Variants in EYS observed in about 807,000 individuals in gnomAD.
EYS encodes the protein protein eyes shut homolog.
In EYS, 250 loss-of-function variants were observed where a neutral mutation model predicts 282.1. The observed-to-expected ratio is 0.89, with a 90% CI of 0.80 to 0.98. EYS has a LOEUF of 0.98. EYS is among the 50% of genes least tolerant of loss of function. The pLI is 0.00. For missense variants in EYS, 4,016 were observed against 3,709.0 expected (o/e 1.08, Z -2.15); for synonymous variants, 1,355 against 1,282.9 (o/e 1.06, Z -1.20).
chr6:64,502,596 T>A (rs1225005272), intron 26 of EYS, among the ~76,000 whole-genome samples: 1 of 152,196 alleles, frequency 6.6e-6, no homozygotes, highest in Non-Finnish European at 1.5e-5. Context: ...AAAACAATAT[T>A]TTTCTATTTA....
At chr6:64,777,785 A>G (rs1046831917) in intron 22 of EYS, among the ~76,000 whole-genome samples, 2 of 152,158 alleles carry the variant, frequency 1.3e-5, no homozygotes, top group Non-Finnish European at 2.9e-5. Context: ...GCTAACAACA[A>G]CACACTATTT....
At position 65,077,535 on chromosome 6, in the gene EYS, C is replaced by T. The variant is rs183349975; in HGVS notation, c.2024-19808G>A. On this transcript the variant is annotated intron_variant, in intron 12 of 42. Transcript: ENST00000503581. ...AATGCATTAAGTTAGATATATAAAA[C>T]GAACATTTTCTGAAACGCTCAAACA... 3.2e-3 allele frequency among the ~76,000 whole-genome samples: 483 copies of T among 152,048 alleles called. 2 individuals are homozygous for T. The highest frequency in any genetic ancestry group is 0.01 in the African/African-American group (429 of 41,508).
chr6:64,175,389 G>A (rs1262783990), intron 31 of EYS, among the ~76,000 whole-genome samples: 1 of 152,140 alleles, frequency 6.6e-6, no homozygotes, highest in East Asian at 1.9e-4. Context: ...GAAGATAGTA[G>A]TAAAGAAGGA....
intron 19 of EYS, among the ~76,000 whole-genome samples, chr6:64,885,159 A>G (rs1267165986): frequency 6.6e-6 from 1 of 151,706 alleles, no homozygotes; most frequent in Non-Finnish European, 1.5e-5. Context: ...TGTAAGAAAA[A>G]ATGAACCCTA....
chr6:63,770,609 A>G (rs1325313520), intron 40 of EYS, among the ~76,000 whole-genome samples: 1 of 152,162 alleles, frequency 6.6e-6, no homozygotes, highest in Admixed American at 6.6e-5. Context: ...ACATAGCTGA[A>G]TTATCTTCTC....
chr6:65,535,965 C>T (rs572893682), intron 2 of EYS, among the ~76,000 whole-genome samples: 164 of 151,896 alleles, frequency 1.1e-3, no homozygotes, highest in African/African-American at 3.7e-3. Flanking sequence ...GGAAACAGTG[C>T]TATCAACGGA....
intron 12 of EYS, among the ~76,000 whole-genome samples, chr6:65,179,312 C>G (rs150233047): frequency 1.0e-3 from 158 of 151,544 alleles, no homozygotes; most frequent in African/African-American, 3.7e-3. Context: ...ATTGATAGAC[C>G]TCTAGCAAGA....
intron 31 of EYS, among the ~76,000 whole-genome samples, chr6:64,130,489 G>C (rs1046959892): frequency 6.6e-6 from 1 of 152,058 alleles, no homozygotes. Context: ...GTGGGGTGCA[G>C]GGGGGAGGGA....
At chr6:65,700,131 A>AAAAAAAAC in intron 1 of EYS, among the ~76,000 whole-genome samples, 1 of 150,512 alleles carries the variant, frequency 6.6e-6, no homozygotes, top group East Asian at 1.9e-4. Flanking sequence ...AAAAAAAAAA[A>AAAAAAAAC]AAAAAAAACT....
At chr6:64,449,373 C>T (rs1352549706) in intron 26 of EYS, among the ~76,000 whole-genome samples, 4 of 152,128 alleles carry the variant, frequency 2.6e-5, no homozygotes, top group Admixed American at 2.0e-4. Context: ...ACCAACTCTA[C>T]GTCTCATTGG....
chr6:64,983,778 T>C (rs888272198), intron 14 of EYS, among the ~76,000 whole-genome samples: 3 of 151,298 alleles, frequency 2.0e-5, no homozygotes, highest in Non-Finnish European at 4.4e-5. Context: ...TGGTTATTTC[T>C]CCCTGTTTTA....
intron 35 of EYS, among the ~76,000 whole-genome samples, chr6:63,886,006 C>T (rs551635538): frequency 3.3e-5 from 5 of 152,254 alleles, no homozygotes; most frequent in Admixed American, 1.3e-4. Flanking sequence ...TCAGGCTAAT[C>T]ATTTCTTATG....
chr6:63,844,527 G>T (rs766696911), intron 36 of EYS, among the ~76,000 whole-genome samples: 48 of 151,796 alleles, frequency 3.2e-4, no homozygotes, highest in Non-Finnish European at 5.4e-4. Context: ...GTTGTTTCTT[G>T]ACTTCTTAAT....
intron 33 of EYS, among the ~76,000 whole-genome samples, chr6:64,020,417 T>C (rs1273263164): frequency 6.6e-6 from 1 of 152,146 alleles, no homozygotes; most frequent in Admixed American, 6.5e-5. Flanking sequence ...AACATACACA[T>C]TTGTTTACTT....
At chr6:63,917,080 G>A (rs1400403072) in intron 35 of EYS, among the ~76,000 whole-genome samples, 2 of 152,232 alleles carry the variant, frequency 1.3e-5, no homozygotes, top group Non-Finnish European at 2.9e-5. Context: ...ATTTTTCAAA[G>A]ATATTTGTGT....
chr6:64,448,884 G>C (rs1775215967), intron 26 of EYS, among the ~76,000 whole-genome samples: 1 of 152,168 alleles, frequency 6.6e-6, no homozygotes. Context: ...ACCAGAGGTA[G>C]ATAAAACCAC....
intron 11 of EYS, among the ~76,000 whole-genome samples, chr6:65,322,393 A>G (rs1364730722): frequency 6.6e-6 from 1 of 152,166 alleles, no homozygotes; most frequent in African/African-American, 2.4e-5. Flanking sequence ...TTGCTTATGA[A>G]TAACAGTGAG....
intron 37 of EYS, among the ~76,000 whole-genome samples, chr6:63,798,927 A>G (rs1279899433): frequency 6.8e-6 from 1 of 146,718 alleles, no homozygotes; most frequent in Non-Finnish European, 1.5e-5. Context: ...GAAGTCAAAT[A>G]TATTTCTTCT....
chr6:65,503,497 G>A (rs546199634), intron 2 of EYS, among the ~76,000 whole-genome samples: 6 of 151,484 alleles, frequency 4.0e-5, no homozygotes, highest in African/African-American at 2.4e-5. Flanking sequence ...TTATGCTTTC[G>A]GTGTTGTATC....
Sources: gnomAD v4.1 joint callset for allele counts (sites outside exome capture counted in the v4.1 genomes callset) on GRCh38, gnomAD v4.1.1 for gene constraint, MANE v1.5 for transcripts, NCBI Gene and HGNC (gene_info 2026-07-23, HGNC 2026-07-21) for gene names.